Variants in RNF11 observed in about 807,000 individuals in gnomAD.
RNF11 encodes the protein ring finger protein 11.
Under a neutral mutation model 15.8 loss-of-function variants are expected in RNF11, and 4 were observed. That is an observed-to-expected ratio of 0.25 (90% CI 0.12 to 0.58). The LOEUF is 0.58. RNF11 is among the 20% of genes least tolerant of loss of function. The pLI is 0.91. For synonymous variants in RNF11, 68 were observed against 72.3 expected, an observed-to-expected ratio of 0.94 and a Z score of 0.30; for missense variants, 139 against 194.4, an observed-to-expected ratio of 0.71 and a Z score of 1.70.
chr1:51,246,841 C>G (rs375733349), intron 1 of RNF11, among the ~76,000 whole-genome samples: 1 of 151,818 alleles, frequency 6.6e-6, no homozygotes, highest in East Asian at 1.9e-4. Context: ...AAAATTGGAG[C>G]TGGGCTTGTG....
intron 1 of RNF11, chr1:51,251,205 T>C: frequency 7.1e-7 from 1 of 1,406,572 alleles, no homozygotes; most frequent in South Asian, 1.2e-5. Flanking sequence ...GTCAATGATC[T>C]CTGATTCCTT....
chr1:51,265,151 C>T (rs1329033332), intron 1 of RNF11: 1 of 152,122 alleles, frequency 6.6e-6, no homozygotes, highest in Non-Finnish European at 1.5e-5. Context: ...CATGGTGAAA[C>T]CCTGTCTCTA....
chr1:51,237,089 C>G (rs986347292), intron 1 of RNF11, among the ~76,000 whole-genome samples: 1 of 152,092 alleles, frequency 6.6e-6, no homozygotes, highest in Non-Finnish European at 1.5e-5. Context: ...GGATGATACC[C>G]TCTGCCCTTG....
At chr1:51,258,399 G>A (rs977504574) in intron 1 of RNF11, among the ~76,000 whole-genome samples, 29 of 152,092 alleles carry the variant, frequency 1.9e-4, no homozygotes, top group Admixed American at 1.9e-3. Context: ...TGCACAGTGA[G>A]GCAGAAAATG....
chr1:51,257,223 G>GA (rs1646907801), intron 1 of RNF11, among the ~76,000 whole-genome samples: 1 of 152,168 alleles, frequency 6.6e-6, no homozygotes, highest in Non-Finnish European at 1.5e-5. Flanking sequence ...TCTGGTAAAA[G>GA]TTTCTCCCAG....
intron 1 of RNF11, among the ~76,000 whole-genome samples, chr1:51,260,705 C>G (rs1288958044): frequency 6.6e-6 from 1 of 151,798 alleles, no homozygotes; most frequent in Non-Finnish European, 1.5e-5. Context: ...ATTGTCAGTT[C>G]TTCATCTGCT....
At position 51,272,011 on chromosome 1, in the gene RNF11, T is replaced by C. The variant is rs1253102185; in HGVS notation, c.*689T>C. 6.6e-6 allele frequency: 1 copy of C among 152,644 alleles called. No homozygotes were observed. The highest frequency in any genetic ancestry group is 2.4e-5 in the African/African-American group (1 of 41,456). The allele number at this position is 152,644 out of a possible 1,614,324, so 9.5% of individuals were successfully genotyped here. On this transcript the variant is annotated 3_prime_UTR_variant, in exon 3 of 3. Coordinates refer to ENST00000242719, the MANE Select transcript of RNF11 (RefSeq NM_014372.5). ...CTTGTAAGCAAACTGAGATGCACTA[T>C]CCCTTTTCTATAAAAAATAAGTTAA... is the stretch of plus-strand genomic sequence containing the variant.
At chr1:51,251,748 G>A (rs1307005290) in intron 1 of RNF11, among the ~76,000 whole-genome samples, 4 of 152,058 alleles carry the variant, frequency 2.6e-5, no homozygotes, top group Non-Finnish European at 5.9e-5. Context: ...GACAGCCTGG[G>A]CAGGAGAGCA....
At chr1:51,252,242 A>G (rs570136459) in intron 1 of RNF11, among the ~76,000 whole-genome samples, 187 of 152,266 alleles carry the variant, frequency 1.2e-3, no homozygotes, top group African/African-American at 4.3e-3. Context: ...GGGTTAATCA[A>G]GTTTGTGTTA....
chr1:51,271,455 G>A lies in RNF11; in HGVS notation c.*133G>A, dbSNP rs564808037. 35 of 660,178 alleles carry A rather than the reference G, an allele frequency of 5.3e-5. No homozygotes were observed. The South Asian group carries it at 7.7e-4, about 15-fold the overall frequency. 40.9% of individuals were successfully genotyped at this position (660,178 alleles called of 1,614,324 possible). Reference sequence around the variant, plus strand: ...GTTTCCTTAAAATTCCTGGATGGCTGCAGATGTTGGGGGAAAAAGTACGTG... The same window carrying A: ...GTTTCCTTAAAATTCCTGGATGGCTACAGATGTTGGGGGAAAAAGTACGTG... On this transcript the variant is annotated 3_prime_UTR_variant, in exon 3 of 3. Transcript: ENST00000242719.
intron 1 of RNF11, chr1:51,250,903 C>G: frequency 9.5e-7 from 1 of 1,057,878 alleles, no homozygotes; most frequent in Non-Finnish European, 1.4e-6. Flanking sequence ...ATGAGGTGCA[C>G]CAGTGCAGAG....
At chr1:51,243,398 A>G (rs979027245) in intron 1 of RNF11, among the ~76,000 whole-genome samples, 1 of 152,038 alleles carries the variant, frequency 6.6e-6, no homozygotes, top group East Asian at 1.9e-4. Flanking sequence ...TTCATCCCGG[A>G]TCAGATCACT....
chr1:51,254,276 A>G (rs1055685172), intron 1 of RNF11, among the ~76,000 whole-genome samples: 1 of 151,872 alleles, frequency 6.6e-6, no homozygotes, highest in African/African-American at 2.4e-5. Flanking sequence ...TGCTTCCTTG[A>G]ATGAATTCCT....
intron 1 of RNF11, among the ~76,000 whole-genome samples, chr1:51,264,132 C>T (rs1202148926): frequency 6.6e-6 from 1 of 150,890 alleles, no homozygotes; most frequent in Non-Finnish European, 1.5e-5. Context: ...TAGCATGGGC[C>T]TGTAGTCCCA....
intron 1 of RNF11, among the ~76,000 whole-genome samples, chr1:51,252,629 A>G (rs1646885035): frequency 6.6e-6 from 1 of 152,080 alleles, no homozygotes; most frequent in Non-Finnish European, 1.5e-5. Context: ...AAAAAGAAAA[A>G]TTATATGAAG....
intron 1 of RNF11, among the ~76,000 whole-genome samples, chr1:51,256,384 A>G (rs1034238680): frequency 2.6e-5 from 4 of 152,132 alleles, no homozygotes; most frequent in Admixed American, 1.3e-4. Context: ...CATGTTTTTC[A>G]TGGCTTGATA....
intron 1 of RNF11, among the ~76,000 whole-genome samples, chr1:51,262,715 CTTTTTTTTTTT>C (rs35542254): frequency 2.4e-5 from 2 of 84,084 alleles, no homozygotes; most frequent in African/African-American, 4.9e-5. Context: ...GCCTGCTAAT[CTTTTTTTTTTT>C]TTTTTTTTTT....
intron 1 of RNF11, among the ~76,000 whole-genome samples, chr1:51,239,864 A>G (rs755429148): frequency 2.0e-5 from 3 of 152,268 alleles, no homozygotes; most frequent in African/African-American, 7.2e-5. Flanking sequence ...CAATGTACAT[A>G]TAATGACAAG....
rs71063020 is a variant in RNF11, at chr1:51,248,205, CT to C, written c.123+11340del. On this transcript the variant is annotated intron_variant, in intron 1 of 2. Transcript: ENST00000242719. Reference sequence around the variant, plus strand: ...CAGTGCTATACTGTATTTTCTTTTTCTTTTTTTTTTTTTTGGCTTTGAGATG... The same window carrying C: ...CAGTGCTATACTGTATTTTCTTTTTCTTTTTTTTTTTTTGGCTTTGAGATG... Among the ~76,000 whole-genome samples the C allele has an allele frequency of 2.2e-3, 247 of 113,176 alleles. 1 individual carries two copies. Among genetic ancestry groups the C allele is most frequent in the Middle Eastern group, 5.6e-3 (1 of 178 alleles). The allele number at this position is 113,176 out of a possible 152,430, so 74.2% of individuals were successfully genotyped here.
Sources: gnomAD v4.1 joint callset for allele counts (sites outside exome capture counted in the v4.1 genomes callset) on GRCh38, gnomAD v4.1.1 for gene constraint, MANE v1.5 for transcripts, NCBI Gene and HGNC (gene_info 2026-07-23, HGNC 2026-07-21) for gene names.